CSMD1: variants seen among roughly 807,000 people sequenced by gnomAD.
CSMD1 encodes CUB and sushi domain-containing protein 1.
CSMD1 carries 213 observed loss-of-function variants against 417.5 expected under a neutral mutation model. The ratio of observed to expected loss-of-function variants is 0.51; its 90% CI spans 0.46 to 0.57. The LOEUF is 0.57. Among genes scored for constraint, CSMD1 ranks in the 20% least tolerant of loss-of-function variants. The probability of loss-of-function intolerance (pLI) is 0.00; values close to 1 mark genes in which losing one functional copy is unlikely to be tolerated. For synonymous variants in CSMD1, 2,862 were observed against 1,736.8 expected (o/e 1.65, Z -16.11); for missense variants, 6,923 against 4,529.7 (o/e 1.53, Z -15.17).
intron 2 of CSMD1, among the ~76,000 whole-genome samples, chr8:4,606,907 G>C (rs960731183): frequency 6.6e-6 from 1 of 152,122 alleles, no homozygotes; most frequent in Non-Finnish European, 1.5e-5. Context: ...CATTATATCA[G>C]TATAGCTTTA....
At chr8:3,636,484 G>T (rs867452293) in intron 7 of CSMD1, among the ~76,000 whole-genome samples, 3 of 152,280 alleles carry the variant, frequency 2.0e-5, no homozygotes, top group Middle Eastern at 6.8e-3. Context: ...GTCCCTGGAA[G>T]TAAAATCTTT....
At position 2,945,450 on chromosome 8, in the gene CSMD1, A is replaced by C. The variant is rs145781201; in HGVS notation, c.10403-2846T>G. Among the ~76,000 whole-genome samples, 526 of 152,312 alleles carry C rather than the reference A, an allele frequency of 3.5e-3. 4 individuals carry two copies. The highest frequency in any genetic ancestry group is 0.011 in the African/African-American group (470 of 41,568). On this transcript the variant is annotated intron_variant, in intron 68 of 69. Transcript: ENST00000635120. Reference sequence around the variant, plus strand: ...TCCAGGGACATTAAGGGTGTTTCTAATACTTCTATAATGTTGCAATGAAAT... The same window carrying C: ...TCCAGGGACATTAAGGGTGTTTCTACTACTTCTATAATGTTGCAATGAAAT...
At chr8:4,502,720 A>C (rs1287172074) in intron 2 of CSMD1, among the ~76,000 whole-genome samples, 1 of 152,182 alleles carries the variant, frequency 6.6e-6, no homozygotes, top group African/African-American at 2.4e-5. Context: ...TCAGTATATT[A>C]ACAGCAGATC....
Position 3,134,637 on chromosome 8 carries a change from T to A in CSMD1, c.6241+7828A>T, listed in dbSNP as rs374999921. On this transcript the variant is annotated intron_variant, in intron 41 of 69. Transcript: ENST00000635120. ...GACTTCATTAGGTTTAAACATTCTT[T>A]CCCCTGTTAGTGCACTGACTAAATC... 1.1e-3 allele frequency among the ~76,000 whole-genome samples: 161 copies of A among 152,298 alleles called. 1 individual carries two copies. In the South Asian group the frequency reaches 0.017, roughly 16 times the overall value.
chr8:3,527,495 G>A (rs554549465), intron 10 of CSMD1, among the ~76,000 whole-genome samples: 23 of 152,246 alleles, frequency 1.5e-4, no homozygotes, highest in South Asian at 8.3e-4. Flanking sequence ...GTTTCCCAGG[G>A]GAGGTCTGCC....
chr8:4,458,928 G>T lies in CSMD1; in HGVS notation c.303-38863C>A, dbSNP rs7824287. Among the ~76,000 whole-genome samples, 1,226 of 152,310 alleles carry T rather than the reference G, an allele frequency of 8.0e-3. 15 individuals are homozygous for T. Among genetic ancestry groups the T allele is most frequent in the African/African-American group, 0.028 (1,162 of 41,558 alleles). ...TGTATTAAAAATATTTAAGTTTCTG[G>T]AAGTGCATTAAGCTTGTAAACCAAC... is the stretch of plus-strand genomic sequence containing the variant. On this transcript the variant is annotated intron_variant, in intron 2 of 69. Transcript: ENST00000635120.
At chr8:4,046,913 A>G (rs1798176713) in intron 3 of CSMD1, among the ~76,000 whole-genome samples, 2 of 152,102 alleles carry the variant, frequency 1.3e-5, no homozygotes, top group Admixed American at 6.5e-5. Context: ...GGGCAGAGAG[A>G]GGCTTATGGC....
rs1293502728 is a variant in CSMD1, at chr8:3,262,214, TATATATATATATATATAC to T, written c.4153+21912_4153+21929del. Among the ~76,000 whole-genome samples the T allele has an allele frequency of 1.4e-3, 154 of 110,472 alleles. 4 individuals are homozygous for T. The highest frequency in any genetic ancestry group is 4.6e-3 in the African/African-American group (140 of 30,394). 72.5% of individuals were successfully genotyped at this position (110,472 alleles called of 152,430 possible). On this transcript the variant is annotated intron_variant, in intron 26 of 69. Coordinates refer to ENST00000635120, the MANE Select transcript of CSMD1 (RefSeq NM_033225.6). ...ATATATATATATATATATATATATA[TATATATATATATATATAC>T]ACACACATAGTTAATTTCAAAATTC...
At chr8:4,079,816 C>T (rs1543904) in intron 3 of CSMD1, among the ~76,000 whole-genome samples, 94,206 of 151,880 alleles carry the variant, frequency 0.62, 29,830 homozygotes, top group South Asian at 0.68. Flanking sequence ...AGTGACATCA[C>T]GAGAGAAAAC....
intron 53 of CSMD1, among the ~76,000 whole-genome samples, chr8:2,999,518 A>G (rs892920225): frequency 2.0e-5 from 3 of 152,182 alleles, no homozygotes; most frequent in Non-Finnish European, 2.9e-5. Flanking sequence ...TGACGAAGCA[A>G]TGACAAAAAT....
Position 2,997,969 on chromosome 8 carries a change from C to A in CSMD1, c.8377+42G>T, listed in dbSNP as rs1359257225. On this transcript the variant is annotated intron_variant, in intron 54 of 69. Transcript: ENST00000635120. Reference sequence around the variant, plus strand: ...GATGGTGTTACTGGGCAGCCTAGAACACTCTCAGAGCAAAGGGCTCATTCC... The same window carrying A: ...GATGGTGTTACTGGGCAGCCTAGAAAACTCTCAGAGCAAAGGGCTCATTCC... The A allele has an allele frequency of 1.0e-5, 16 of 1,586,688 alleles. No individual in the cohort carries two copies. In the East Asian group the frequency reaches 2.7e-4, roughly 27 times the overall value.
Position 3,387,582 on chromosome 8 carries a change from G to C in CSMD1, c.2694C>G (p.Ser898Arg). 2 of 1,600,980 alleles carry C rather than the reference G, an allele frequency of 1.2e-6. No homozygotes were observed. The highest frequency in any genetic ancestry group is 1.1e-5 in the South Asian group (1 of 88,418). The change falls in exon 18 of 70, where the codon AGC becomes AGG. Residue 898 changes from serine to arginine, a missense_variant. Coordinates refer to ENST00000635120, the MANE Select transcript of CSMD1 (RefSeq NM_033225.6). ...DFGIRSTVTF[S>R]CDPGYTLSDD... is the part of the protein sequence containing the mutation. ...CACTTAGTGTGTACCCCGGGTCACA[G>C]CTGAAAGTCACTGTGGACCTGATGC...
At position 3,801,901 on chromosome 8, in the gene CSMD1, T is replaced by C. The variant is rs567604033; in HGVS notation, c.819-47859A>G. Among the ~76,000 whole-genome samples the C allele has an allele frequency of 1.4e-4, 21 of 152,230 alleles. No individual in the cohort carries two copies. The South Asian group carries it at 3.7e-3, about 27-fold the overall frequency. ...CCACATATTATGAGATCTCATATAA[T>C]ACCCAATGCCTAGGGTATAGGGTGG... is the stretch of plus-strand genomic sequence containing the variant. On this transcript the variant is annotated intron_variant, in intron 5 of 69. Transcript: ENST00000635120.
At chr8:4,557,834 C>G (rs1186724116) in intron 2 of CSMD1, among the ~76,000 whole-genome samples, 1 of 152,254 alleles carries the variant, frequency 6.6e-6, no homozygotes, top group East Asian at 1.9e-4. Context: ...CGTTTCATAG[C>G]TCTACATCAG....
At chr8:4,158,542 G>A (rs1421622224) in intron 3 of CSMD1, among the ~76,000 whole-genome samples, 5 of 152,134 alleles carry the variant, frequency 3.3e-5, no homozygotes, top group African/African-American at 1.2e-4. Flanking sequence ...TAACACAGCC[G>A]CTAGGTTGTG....
chr8:2,964,450 C>T (rs1464498002), intron 59 of CSMD1, among the ~76,000 whole-genome samples: 2 of 152,122 alleles, frequency 1.3e-5, no homozygotes, highest in African/African-American at 2.4e-5. Context: ...TACATGGGTC[C>T]CCTGGGGGCA....
At chr8:2,976,212 C>G (rs1171050991) in intron 55 of CSMD1, among the ~76,000 whole-genome samples, 1 of 149,114 alleles carries the variant, frequency 6.7e-6, no homozygotes, top group Non-Finnish European at 1.5e-5. Context: ...GTGAGGGAAA[C>G]TCACTTGGAG....
chr8:4,681,835 T>A (rs768125646), intron 1 of CSMD1, among the ~76,000 whole-genome samples: 1 of 152,068 alleles, frequency 6.6e-6, no homozygotes, highest in Non-Finnish European at 1.5e-5. Context: ...ATAACCTCCA[T>A]TTTCTCCTCC....
chr8:4,994,522 G>C lies in CSMD1; in HGVS notation c.-106C>G, dbSNP rs563358994. On this transcript the variant is annotated 5_prime_UTR_variant, in exon 1 of 70. Coordinates refer to ENST00000635120, the MANE Select transcript of CSMD1 (RefSeq NM_033225.6). ...CCGAGGGCAAGGCGAGCCGGAGAGA[G>C]AGCCCGGTCCCAAGACCCGCCGCGC... 69 of 1,069,144 alleles carry C rather than the reference G, an allele frequency of 6.5e-5. No homozygotes were observed. The East Asian group carries it at 8.0e-4, about 12-fold the overall frequency. 66.2% of individuals were successfully genotyped at this position (1,069,144 alleles called of 1,614,324 possible).
Sources: allele counts gnomAD v4.1 joint callset (sites outside exome capture counted in the v4.1 genomes callset), GRCh38; gene constraint gnomAD v4.1.1; transcripts MANE v1.5; gene names NCBI Gene and HGNC (gene_info 2026-07-23, HGNC 2026-07-21).